The following SHISA9 variants were observed in gnomAD, a reference collection of about 807,000 sequenced individuals.
The protein encoded by SHISA9 is protein shisa-9.
Under a neutral mutation model 38.0 loss-of-function variants are expected in SHISA9, and 13 were observed. That is an observed-to-expected ratio of 0.34 (90% CI 0.22 to 0.54). The LOEUF (loss-of-function observed/expected upper bound fraction) is 0.54. SHISA9 is among the 20% of genes least tolerant of loss of function. The pLI, the probability that SHISA9 is intolerant of heterozygous loss-of-function variation, is 0.91. For synonymous variants in SHISA9, 275 were observed against 242.0 expected, an observed-to-expected ratio of 1.14 and a Z score of -1.27; for missense variants, 538 against 575.8, an observed-to-expected ratio of 0.93 and a Z score of 0.67.
the SHISA9 span, among the ~76,000 whole-genome samples, chr16:13,380,138 C>G: frequency 6.6e-6 from 1 of 151,642 alleles, no homozygotes; most frequent in Non-Finnish European, 1.5e-5. Context: ...TTCAAGATGT[C>G]CAGTATTTTC....
chr16:13,426,228 T>C, the SHISA9 span, among the ~76,000 whole-genome samples: 1 of 152,156 alleles, frequency 6.6e-6, no homozygotes, highest in Non-Finnish European at 1.5e-5. Flanking sequence ...TTGCGAAGTG[T>C]TTTATATGTG....
chr16:13,523,175 C>T, the SHISA9 span, among the ~76,000 whole-genome samples: 1 of 152,042 alleles, frequency 6.6e-6, no homozygotes, highest in Non-Finnish European at 1.5e-5. Flanking sequence ...TGGTGAAACC[C>T]GATCTCTACT....
chr16:13,199,961 C>A (rs895146447), intron 2 of SHISA9, among the ~76,000 whole-genome samples: 1 of 152,162 alleles, frequency 6.6e-6, no homozygotes, highest in Non-Finnish European at 1.5e-5. Flanking sequence ...TGCCTGTGAA[C>A]ATGGGAAGTT....
At position 13,239,551 on chromosome 16, in the gene SHISA9, T is replaced by C. The variant is rs1280362654; in HGVS notation, c.*4142T>C. 3.3e-5 allele frequency: 5 copies of C among 152,108 alleles called. No individual in the cohort carries two copies. 9.4% of individuals were successfully genotyped at this position (152,108 alleles called of 1,614,324 possible). The stretch of plus-strand genomic sequence containing the variant: ...ATTCTAACTGGCGTGAGATGGTATC[T>C]CATTGTGGTTTTGATTTGCATTTCT... On this transcript the variant is annotated 3_prime_UTR_variant, in exon 5 of 5. Coordinates refer to ENST00000558583, the MANE Select transcript of SHISA9 (RefSeq NM_001145204.3).
At chr16:13,091,690 A>T (rs1183903054) in intron 2 of SHISA9, among the ~76,000 whole-genome samples, 1 of 152,166 alleles carries the variant, frequency 6.6e-6, no homozygotes, top group Non-Finnish European at 1.5e-5. Flanking sequence ...TATTCTAGTT[A>T]GCCATTCGTC....
intron 1 of SHISA9, chr16:12,910,796 G>A: frequency 1.1e-6 from 1 of 919,158 alleles, no homozygotes; most frequent in Non-Finnish European, 1.3e-6. Flanking sequence ...GGAATTGGAA[G>A]TCCAAAATCT....
the SHISA9 span, among the ~76,000 whole-genome samples, chr16:13,548,632 G>C: frequency 1.3e-5 from 2 of 151,990 alleles, no homozygotes; most frequent in Non-Finnish European, 1.5e-5. Flanking sequence ...TAATTATCAG[G>C]GAAATGCAAA....
chr16:13,445,114 G>T, the SHISA9 span, among the ~76,000 whole-genome samples: 1 of 150,184 alleles, frequency 6.7e-6, no homozygotes, highest in Non-Finnish European at 1.5e-5. Flanking sequence ...CACCCACCTC[G>T]GCCTCCCAAA....
At chr16:13,501,599 C>T in the SHISA9 span, among the ~76,000 whole-genome samples, 134 of 152,218 alleles carry the variant, frequency 8.8e-4, no homozygotes, top group African/African-American at 3.0e-3. Flanking sequence ...TTTTCATGGC[C>T]GGCCACACAT....
At chr16:13,398,093 TC>T in the SHISA9 span, among the ~76,000 whole-genome samples, 1 of 152,274 alleles carries the variant, frequency 6.6e-6, no homozygotes, top group African/African-American at 2.4e-5. Context: ...GCAGATGTGT[TC>T]CCCTAGACTA....
chr16:13,214,576 G>T (rs2051150032), intron 4 of SHISA9, among the ~76,000 whole-genome samples: 2 of 152,156 alleles, frequency 1.3e-5, no homozygotes, highest in Non-Finnish European at 2.9e-5. Context: ...CAAGAAACTG[G>T]TGTATTAGTC....
chr16:13,534,738 T>G, the SHISA9 span, among the ~76,000 whole-genome samples: 1 of 152,334 alleles, frequency 6.6e-6, no homozygotes, highest in Non-Finnish European at 1.5e-5. Context: ...ATCTTCCTCA[T>G]ATATCAACCT....
At chr16:13,257,921 A>C in the SHISA9 span, among the ~76,000 whole-genome samples, 2 of 152,182 alleles carry the variant, frequency 1.3e-5, no homozygotes, top group Non-Finnish European at 2.9e-5. Context: ...AAGAATGCTG[A>C]GATTTTGCAA....
At chr16:12,955,068 T>A (rs2071810958) in intron 2 of SHISA9, among the ~76,000 whole-genome samples, 1 of 151,972 alleles carries the variant, frequency 6.6e-6, no homozygotes, top group Non-Finnish European at 1.5e-5. Flanking sequence ...TGTTTTTTTT[T>A]TATTCTTGCC....
intron 3 of SHISA9, among the ~76,000 whole-genome samples, chr16:13,206,684 T>G: frequency 6.6e-6 from 1 of 152,232 alleles, no homozygotes; most frequent in East Asian, 1.9e-4. Context: ...ATGTGCAAAC[T>G]GACACAGGCT....
In SHISA9 at chr16:13,215,114, G is replaced by A. The variant is rs571703830; in HGVS notation, c.895+1814G>A. Among the ~76,000 whole-genome samples the A allele has an allele frequency of 2.6e-5, 4 of 152,272 alleles. No homozygotes were observed. The South Asian group carries it at 8.3e-4, about 32-fold the overall frequency. ...TGGAGAGAAGAAAATGGGAGTGGAA[G>A]GATCATTGAGAGACTACAAAAAGTA... On this transcript the variant is annotated intron_variant, in intron 4 of 4. Coordinates refer to ENST00000558583, the MANE Select transcript of SHISA9 (RefSeq NM_001145204.3).
chr16:13,235,438 C>G lies in SHISA9; in HGVS notation c.*29C>G. The G allele has an allele frequency of 6.6e-7, 1 of 1,513,404 alleles. No homozygotes were observed. The highest frequency in any genetic ancestry group is 1.2e-5 in the South Asian group (1 of 80,340). The allele number at this position is 1,513,404 out of a possible 1,614,324, so 93.7% of individuals were successfully genotyped here. ...TTCACCACAGGGAGCACCCTGGAGA[C>G]CACACTCAACTGAGAGAGGCAAAAA... On this transcript the variant is annotated 3_prime_UTR_variant, in exon 5 of 5. Coordinates refer to ENST00000558583, the MANE Select transcript of SHISA9 (RefSeq NM_001145204.3).
the SHISA9 span, among the ~76,000 whole-genome samples, chr16:13,499,308 A>G: frequency 6.6e-6 from 1 of 152,336 alleles, no homozygotes; most frequent in Admixed American, 6.5e-5. Flanking sequence ...TTTGGCAAAG[A>G]AAGAGATGGA....
At chr16:13,416,363 C>T in the SHISA9 span, among the ~76,000 whole-genome samples, 4 of 152,184 alleles carry the variant, frequency 2.6e-5, no homozygotes, top group African/African-American at 9.7e-5. Context: ...TCTTAATTAT[C>T]TTACCCCTGA....
Sources: gnomAD v4.1 joint callset for allele counts (sites outside exome capture counted in the v4.1 genomes callset) on GRCh38, gnomAD v4.1.1 for gene constraint, MANE v1.5 for transcripts, NCBI Gene and HGNC (gene_info 2026-07-23, HGNC 2026-07-21) for gene names.